Variants in DGKB observed in about 807,000 individuals in gnomAD.
The protein encoded by DGKB is 90 kDa diacylglycerol kinase.
Under a neutral mutation model 114.3 loss-of-function variants are expected in DGKB, and 67 were observed. The ratio of observed to expected loss-of-function variants is 0.59; its 90% CI spans 0.48 to 0.72. The LOEUF (loss-of-function observed/expected upper bound fraction) is 0.72, where lower values mean the gene tolerates loss of function less well. Ranked by LOEUF, DGKB falls within the 30% of genes least tolerant of loss-of-function variation. DGKB has a pLI of 0.00. For synonymous variants in DGKB, 398 were observed against 323.1 expected, an observed-to-expected ratio of 1.23 and a Z score of -2.49; for missense variants, 907 against 975.2, an observed-to-expected ratio of 0.93 and a Z score of 0.93.
chr7:14,404,716 A>G (rs1021085822), intron 21 of DGKB, among the ~76,000 whole-genome samples: 3 of 151,704 alleles, frequency 2.0e-5, no homozygotes, highest in Middle Eastern at 3.2e-3. Context: ...CCCCTCCTCT[A>G]TACCAGAAGT....
intron 21 of DGKB, among the ~76,000 whole-genome samples, chr7:14,392,990 T>TTTTTG (rs1411619066): frequency 3.6e-5 from 1 of 27,874 alleles, no homozygotes; most frequent in African/African-American, 1.5e-4. Context: ...CTGTTTTTTG[T>TTTTTG]TTTTGTTTTT....
chr7:14,441,496 T>A (rs887512982), intron 21 of DGKB, among the ~76,000 whole-genome samples: 7 of 152,290 alleles, frequency 4.6e-5, no homozygotes, highest in African/African-American at 7.2e-5. Context: ...AGTCAAAAAA[T>A]TTTTTAACTA....
At chr7:14,972,853 C>T (rs1787555696) in intron 1 of DGKB, among the ~76,000 whole-genome samples, 1 of 151,910 alleles carries the variant, frequency 6.6e-6, no homozygotes, top group Non-Finnish European at 1.5e-5. Context: ...CTTATCTTTC[C>T]ACTCTAAACA....
At chr7:14,949,844 T>C (rs1587441768) in intron 1 of DGKB, among the ~76,000 whole-genome samples, 1 of 151,736 alleles carries the variant, frequency 6.6e-6, no homozygotes, top group African/African-American at 2.4e-5. Flanking sequence ...CAGCACACTA[T>C]TGCAAGGACA....
intron 17 of DGKB, among the ~76,000 whole-genome samples, chr7:14,589,672 A>T (rs1212011668): frequency 1.3e-5 from 2 of 151,976 alleles, no homozygotes; most frequent in Non-Finnish European, 2.9e-5. Flanking sequence ...CTGTCCTTTA[A>T]TCGGTTAGTG....
chr7:14,695,129 T>A (rs559947922), intron 8 of DGKB, among the ~76,000 whole-genome samples: 1 of 152,212 alleles, frequency 6.6e-6, no homozygotes, highest in South Asian at 2.1e-4. Context: ...GGTAGAAGTA[T>A]TGTCTGCCTA....
chr7:14,161,994 C>A (rs1453246911), intron 25 of DGKB, among the ~76,000 whole-genome samples: 3 of 152,130 alleles, frequency 2.0e-5, no homozygotes, highest in African/African-American at 4.8e-5. Flanking sequence ...CCAGGAAGAT[C>A]CCTGTGAAAC....
chr7:14,699,871 A>G (rs1824797433), intron 7 of DGKB, among the ~76,000 whole-genome samples: 1 of 152,108 alleles, frequency 6.6e-6, no homozygotes, highest in South Asian at 2.1e-4. Context: ...CTAGTAGTCT[A>G]CTGTATATGC....
At chr7:14,158,531 C>G (rs1466707565) in intron 25 of DGKB, among the ~76,000 whole-genome samples, 1 of 152,152 alleles carries the variant, frequency 6.6e-6, no homozygotes, top group Non-Finnish European at 1.5e-5. Context: ...TAGACTCAGC[C>G]ATAACCTTGG....
chr7:14,290,361 T>C (rs1801570426), intron 23 of DGKB, among the ~76,000 whole-genome samples: 1 of 152,168 alleles, frequency 6.6e-6, no homozygotes, highest in Non-Finnish European at 1.5e-5. Context: ...ACTTCACTTA[T>C]AGCCTGAAAG....
intron 1 of DGKB, among the ~76,000 whole-genome samples, chr7:14,852,052 T>C (rs897814693): frequency 1.1e-4 from 16 of 152,190 alleles, no homozygotes; most frequent in African/African-American, 2.9e-4. Flanking sequence ...AAAACGATTA[T>C]TTTACAGCAC....
At chr7:14,528,937 A>C in intron 20 of DGKB, among the ~76,000 whole-genome samples, 1 of 152,042 alleles carries the variant, frequency 6.6e-6, no homozygotes, top group East Asian at 1.9e-4. Flanking sequence ...AGGTCAAAAA[A>C]GATGGAGTTC....
intron 21 of DGKB, among the ~76,000 whole-genome samples, chr7:14,405,055 C>G (rs1823725889): frequency 6.6e-6 from 1 of 151,554 alleles, no homozygotes; most frequent in Non-Finnish European, 1.5e-5. Context: ...ATACTAGATT[C>G]CACCATTTAG....
intron 23 of DGKB, among the ~76,000 whole-genome samples, chr7:14,202,435 A>G (rs900918968): frequency 4.6e-5 from 7 of 151,980 alleles, no homozygotes; most frequent in African/African-American, 7.2e-5. Context: ...CAGGGGCAAA[A>G]GCTGTTGTTA....
chr7:14,858,143 A>G (rs1469032579), intron 1 of DGKB, among the ~76,000 whole-genome samples: 1 of 152,164 alleles, frequency 6.6e-6, no homozygotes, highest in Non-Finnish European at 1.5e-5. Flanking sequence ...TCCAATATTA[A>G]CAATCAGCAG....
chr7:14,769,872 A>G (rs1227070396), intron 2 of DGKB, among the ~76,000 whole-genome samples: 1 of 152,086 alleles, frequency 6.6e-6, no homozygotes, highest in Non-Finnish European at 1.5e-5. Flanking sequence ...TTAGGCTTAG[A>G]GCCTATCAGA....
At chr7:14,971,347 T>C (rs1475270788) in intron 1 of DGKB, among the ~76,000 whole-genome samples, 3 of 152,192 alleles carry the variant, frequency 2.0e-5, no homozygotes, top group African/African-American at 7.2e-5. Context: ...CTCATTCATA[T>C]TGCAGGAAAT....
intron 21 of DGKB, among the ~76,000 whole-genome samples, chr7:14,359,057 C>A (rs955084629): frequency 6.6e-6 from 1 of 151,976 alleles, no homozygotes; most frequent in African/African-American, 2.4e-5. Flanking sequence ...AACTATACTA[C>A]AAGGCCACAG....
chr7:14,428,410 T>C (rs1356940501), intron 21 of DGKB, among the ~76,000 whole-genome samples: 1 of 152,142 alleles, frequency 6.6e-6, no homozygotes, highest in Non-Finnish European at 1.5e-5. Flanking sequence ...GGTATTGAAA[T>C]ACTGATTTGT....
Sources: allele counts gnomAD v4.1 joint callset (sites outside exome capture counted in the v4.1 genomes callset), GRCh38; gene constraint gnomAD v4.1.1; transcripts MANE v1.5; gene names NCBI Gene and HGNC (gene_info 2026-07-23, HGNC 2026-07-21).